The following WDR93 variants were observed in gnomAD, a reference collection of about 807,000 sequenced individuals.
WDR93 encodes WD repeat-containing protein 93.
In WDR93, 73 loss-of-function variants were observed where a neutral mutation model predicts 82.9. The ratio of observed to expected loss-of-function variants is 0.88; its 90% CI spans 0.73 to 1.07. The LOEUF (loss-of-function observed/expected upper bound fraction) is 1.07, where lower values mean the gene tolerates loss of function less well. WDR93 is among the 50% of genes least tolerant of loss of function. The pLI, the probability that WDR93 is intolerant of heterozygous loss-of-function variation, is 0.00. For synonymous variants in WDR93, 283 were observed against 300.1 expected, an observed-to-expected ratio of 0.94 and a Z score of 0.59; for missense variants, 738 against 826.0, an observed-to-expected ratio of 0.89 and a Z score of 1.31.
intron 1 of WDR93, among the ~76,000 whole-genome samples, chr15:89,699,247 CTTTA>C (rs2141589289): frequency 6.6e-6 from 1 of 152,140 alleles, no homozygotes; most frequent in African/African-American, 2.4e-5. Context: ...TCTAAAAAGG[CTTTA>C]TTTCACTTTA....
chr15:89,737,157 A>G (rs1328834167), intron 14 of WDR93, among the ~76,000 whole-genome samples: 1 of 152,188 alleles, frequency 6.6e-6, no homozygotes, highest in Non-Finnish European at 1.5e-5. Flanking sequence ...CCCAGGCAAG[A>G]GAGCATCCCC....
At chr15:89,734,277 G>A (rs767161547) in intron 13 of WDR93, among the ~76,000 whole-genome samples, 5 of 152,168 alleles carry the variant, frequency 3.3e-5, no homozygotes, top group East Asian at 3.8e-4. Context: ...GACTCAGTCC[G>A]TTTCTTCTAC....
intron 4 of WDR93, among the ~76,000 whole-genome samples, chr15:89,711,797 C>A (rs1024802448): frequency 4.6e-5 from 7 of 152,176 alleles, no homozygotes; most frequent in African/African-American, 1.4e-4. Flanking sequence ...TTTAAGAAAC[C>A]AGGAAATAAG....
At chr15:89,725,733 T>C (rs1224496502) in intron 8 of WDR93, among the ~76,000 whole-genome samples, 1 of 152,022 alleles carries the variant, frequency 6.6e-6, no homozygotes, top group Non-Finnish European at 1.5e-5. Flanking sequence ...TGGCTAATTT[T>C]TGTATTTTTT....
chr15:89,719,803 T>C (rs1246340184), intron 7 of WDR93, among the ~76,000 whole-genome samples: 1 of 151,806 alleles, frequency 6.6e-6, no homozygotes, highest in Non-Finnish European at 1.5e-5. Context: ...TTTTCTTCTT[T>C]TTTTCTTTTT....
At chr15:89,715,118 G>C (rs1045597330) in intron 6 of WDR93, 23 bp downstream of exon 6, 1 of 1,604,066 alleles carries the variant, frequency 6.2e-7, no homozygotes, top group African/African-American at 1.3e-5. Flanking sequence ...TCTGCTTTCA[G>C]CTGATATGTT....
intron 4 of WDR93, among the ~76,000 whole-genome samples, chr15:89,706,317 GTT>G (rs35434840): frequency 6.8e-5 from 10 of 146,686 alleles, no homozygotes; most frequent in South Asian, 2.2e-4. Context: ...TCAGAGTAAG[GTT>G]TTTTTTTTTT....
At chr15:89,709,428 G>A (rs1043298822) in intron 4 of WDR93, among the ~76,000 whole-genome samples, 1 of 151,772 alleles carries the variant, frequency 6.6e-6, no homozygotes, top group African/African-American at 2.4e-5. Context: ...TGCTAATAAA[G>A]GCCTTAAATA....
chr15:89,712,175 TC>T, intron 5 of WDR93, 71 bp downstream of exon 5: 1 of 1,261,746 alleles, frequency 7.9e-7, no homozygotes, highest in Non-Finnish European at 1.1e-6. Flanking sequence ...ATTGCTTTTG[TC>T]CCTCCAAACC....
chr15:89,735,484 C>T lies in WDR93; in HGVS notation c.1545-6C>T. ...GGAGAATGTCTGTATATTTTCTGTC[C>T]TATAGGCCTGTAAAGCACCTGGATA... On this transcript the variant is annotated splice_region_variant and splice_polypyrimidine_tract_variant and intron_variant, in intron 13 of 16. Coordinates refer to ENST00000268130, the MANE Select transcript of WDR93 (RefSeq NM_020212.2). 2 of 1,614,040 alleles carry T rather than the reference C, an allele frequency of 1.2e-6. No homozygotes were observed. The highest frequency in any genetic ancestry group is 2.2e-5 in the East Asian group (1 of 44,886).
chr15:89,690,535 T>A, upstream of WDR93: 4 of 1,489,828 alleles, frequency 2.7e-6, no homozygotes, highest in Non-Finnish European at 3.7e-6. Context: ...GGGAGCCGAG[T>A]TAGGGCGAGA....
In WDR93 at chr15:89,727,248, T is replaced by C; in HGVS notation, c.972T>C (p.Ser324=). 6.2e-7 allele frequency: 1 copy of C among 1,614,080 alleles called. No homozygotes were observed. Among genetic ancestry groups the C allele is most frequent in the Non-Finnish European group, 8.5e-7 (1 of 1,179,994 alleles). ...GSGQNHFIKD[S]QWEQQAEIFN... is the part of the protein sequence containing the mutation. ...GGCAGAATCATTTCATCAAGGACAG[T>C]CAGTGGGAGCAGCAAGCTGAGATCT... The change falls in exon 9 of 17, where the codon AGT becomes AGC. Residue 324 remains serine, a synonymous_variant. Coordinates refer to ENST00000268130, the MANE Select transcript of WDR93 (RefSeq NM_020212.2).
intron 3 of WDR93, 47 bp downstream of exon 3, chr15:89,703,189 A>G (rs755121655): frequency 6.2e-7 from 1 of 1,604,072 alleles, no homozygotes; most frequent in Non-Finnish European, 8.5e-7. Flanking sequence ...AGGTACCTGT[A>G]GACTGTTGTC....
Position 89,737,857 on chromosome 15 carries a change from G to A in WDR93, c.1765+128G>A, listed in dbSNP as rs1021120167. On this transcript the variant is annotated intron_variant, in intron 15 of 16. Coordinates refer to ENST00000268130, the MANE Select transcript of WDR93 (RefSeq NM_020212.2). Reference sequence around the variant, plus strand: ...CCTCTACCATAGGCCAAAGGGTACCGCAGCTCAGTCCTCACAGGGCACTTA... The same window carrying A: ...CCTCTACCATAGGCCAAAGGGTACCACAGCTCAGTCCTCACAGGGCACTTA... 36 of 1,403,258 alleles carry A rather than the reference G, an allele frequency of 2.6e-5. 1 individual carries two copies. The highest frequency in any genetic ancestry group is 8.1e-5 in the South Asian group (6 of 74,352). The allele number at this position is 1,403,258 out of a possible 1,614,324, so 86.9% of individuals were successfully genotyped here. A position where few individuals can be genotyped will look rare whatever the true frequency, so the allele number is the denominator to read the frequency against.
At chr15:89,706,289 C>A (rs3926649) in intron 4 of WDR93, among the ~76,000 whole-genome samples, 29,482 of 151,628 alleles carry the variant, frequency 0.19, 3,056 homozygotes, top group Middle Eastern at 0.3. Flanking sequence ...AATGAATTCC[C>A]GAAAGAGAGG....
chr15:89,703,553 G>C (rs1965577262), intron 3 of WDR93: 2 of 205,308 alleles, frequency 9.7e-6, no homozygotes, highest in South Asian at 2.0e-4. Flanking sequence ...GGATGAACCA[G>C]GCCTCCATGA....
chr15:89,725,570 C>CTT (rs58934154), intron 8 of WDR93, among the ~76,000 whole-genome samples: 59,262 of 141,200 alleles, frequency 0.42, 12,765 homozygotes, highest in African/African-American at 0.48. Flanking sequence ...TTTTTCTTTT[C>CTT]TTTTTTTTTT....
At chr15:89,723,030 C>A (rs1966589402) in intron 8 of WDR93, among the ~76,000 whole-genome samples, 2 of 151,750 alleles carry the variant, frequency 1.3e-5, no homozygotes, top group South Asian at 4.2e-4. Flanking sequence ...CATGGCAAAA[C>A]CCCACCTCCA....
rs201947112 is a variant in WDR93 at position 89,715,075 on chromosome 15, A to G, written c.736A>G (p.Lys246Glu). ...HPQLTSNPKK[K>E]VRQPQLNSLG... ...CCAACTCACTTCAAATCCAAAGAAA[A>G]AAGTCAGACAGCCGCAACTGGTAGG... is the stretch of plus-strand genomic sequence containing the variant. Residue 246 changes from lysine (K) to glutamate (E), a missense_variant, in exon 6 of 17, where the codon AAA becomes GAA. Coordinates refer to ENST00000268130, the MANE Select transcript of WDR93 (RefSeq NM_020212.2). The G allele has an allele frequency of 3.2e-5, 52 of 1,613,928 alleles. No homozygotes were observed. The highest frequency in any genetic ancestry group is 3.4e-5 in the Non-Finnish European group (40 of 1,179,940).
Sources: allele counts gnomAD v4.1 joint callset (sites outside exome capture counted in the v4.1 genomes callset), GRCh38; gene constraint gnomAD v4.1.1; transcripts MANE v1.5; gene names NCBI Gene and HGNC (gene_info 2026-07-23, HGNC 2026-07-21).